Variants in WDR36 observed in about 807,000 individuals in gnomAD.
WDR36 encodes WD repeat-containing protein 36.
WDR36 carries 63 observed loss-of-function variants against 112.7 expected under a neutral mutation model. The observed-to-expected ratio is 0.56, with a 90% CI of 0.46 to 0.69. The LOEUF (loss-of-function observed/expected upper bound fraction) is 0.69. WDR36 is among the 30% of genes least tolerant of loss of function. The pLI is 0.00. For synonymous variants in WDR36, 410 were observed against 362.2 expected, an observed-to-expected ratio of 1.13 and a Z score of -1.50; for missense variants, 1,226 against 1,070.3, an observed-to-expected ratio of 1.15 and a Z score of -2.03.
Position 111,092,455 on chromosome 5 carries a change from C to T in WDR36, c.-2C>T. On this transcript the variant is annotated 5_prime_UTR_variant, in exon 1 of 23. Coordinates refer to ENST00000513710, the MANE Select transcript of WDR36 (RefSeq NM_139281.3). ...CTGAGAGGAGCTGGGATCGCGGCGGCAATGGAACGGGCCTCAGAAAGGCGC... is the reference window on the plus strand; with the variant it reads ...CTGAGAGGAGCTGGGATCGCGGCGGTAATGGAACGGGCCTCAGAAAGGCGC... 2 of 1,614,216 alleles carry T rather than the reference C, an allele frequency of 1.2e-6. No homozygotes were observed. Among genetic ancestry groups the T allele is most frequent in the Non-Finnish European group, 8.5e-7 (1 of 1,180,042 alleles).
chr5:111,104,385 C>G, intron 8 of WDR36, 33 bp downstream of exon 8: 2 of 1,610,800 alleles, frequency 1.2e-6, no homozygotes, highest in Non-Finnish European at 1.7e-6. Context: ...CTTCCTGGCT[C>G]ATCTAACTTA....
At chr5:111,122,044 C>T (rs1753577764) in intron 19 of WDR36, among the ~76,000 whole-genome samples, 1 of 152,180 alleles carries the variant, frequency 6.6e-6, no homozygotes, top group African/African-American at 2.4e-5. Context: ...GAGAAGTTTT[C>T]ACATTACATT....
intron 12 of WDR36, 151 bp downstream of exon 12, chr5:111,107,590 C>T (rs990868323): frequency 4.2e-6 from 4 of 942,636 alleles, no homozygotes; most frequent in Admixed American, 2.7e-5. Flanking sequence ...AAAATTTGCT[C>T]CTGTGACTTC....
Position 111,123,892 on chromosome 5 carries a change from G to C in WDR36, c.2236G>C (p.Ala746Pro). The C allele has an allele frequency of 6.2e-7, 1 of 1,613,748 alleles. No individual in the cohort carries two copies. Residue 746 changes from alanine (A) to proline (P), a missense_variant, in exon 20 of 23, where the codon GCT becomes CCT. Transcript: ENST00000513710. ...PTIPGLVPRY[A>P]APEQNNDPQQ... ...AATTCCTGGCCTTGTACCCAGATAT[G>C]CTGCACCTGAACAAAATAATGATCC...
intron 11 of WDR36, among the ~76,000 whole-genome samples, chr5:111,106,825 A>G (rs1014481488): frequency 2.0e-5 from 3 of 151,254 alleles, no homozygotes; most frequent in East Asian, 1.9e-4. Flanking sequence ...CCCTACTCCT[A>G]TCCCTCCCAA....
At chr5:111,119,652 G>GA (rs1242117625) in intron 17 of WDR36, among the ~76,000 whole-genome samples, 1 of 151,908 alleles carries the variant, frequency 6.6e-6, no homozygotes, top group Admixed American at 6.6e-5. Flanking sequence ...CCTGGGTTTA[G>GA]AAAAAATTTT....
chr5:111,093,867 T>C (rs1182832512), intron 1 of WDR36, among the ~76,000 whole-genome samples: 4 of 152,192 alleles, frequency 2.6e-5, no homozygotes, highest in African/African-American at 9.7e-5. Context: ...TGTTGACATT[T>C]AGTCATAATA....
At position 111,107,299 on chromosome 5, in the gene WDR36, G is replaced by C. The variant is rs200202813; in HGVS notation, c.1186G>C (p.Ala396Pro). The change falls in exon 12 of 23, where the codon GCT becomes CCT. Residue 396 changes from alanine to proline, a missense_variant. Coordinates refer to ENST00000513710, the MANE Select transcript of WDR36 (RefSeq NM_139281.3). Reference protein sequence around the residue: ...PPITKFAAEEARESDWDGIIA... With the variant: ...PPITKFAAEEPRESDWDGIIA... ...TGATTTTCATTACGTTTTAGAGGAA[G>C]CTCGTGAAAGTGACTGGGATGGTAT... is the stretch of plus-strand genomic sequence containing the variant. 1.6e-4 allele frequency: 254 copies of C among 1,609,628 alleles called. No homozygotes were observed. Among genetic ancestry groups the C allele is most frequent in the Non-Finnish European group, 2.1e-4 (243 of 1,177,192 alleles).
rs377271964 is a variant in WDR36, at chr5:111,100,570, A to C, written c.410-19A>C. On this transcript the variant is annotated intron_variant, in intron 4 of 22. Coordinates refer to ENST00000513710, the MANE Select transcript of WDR36 (RefSeq NM_139281.3). ...TTAAACTATTTTATAAAAAATATTT[A>C]TAACTTTCACTTTTGTAGAAGAATA... 8.9e-5 allele frequency: 129 copies of C among 1,454,008 alleles called. 1 individual carries two copies. In the African/African-American group the frequency reaches 1.4e-3, roughly 16 times the overall value. 90.1% of individuals were successfully genotyped at this position (1,454,008 alleles called of 1,614,324 possible).
In WDR36 at chr5:111,110,834, G is replaced by A; in HGVS notation, c.1488G>A (p.Gln496=). 6.2e-7 allele frequency: 1 copy of A among 1,611,530 alleles called. No individual in the cohort carries two copies. The highest frequency in any genetic ancestry group is 8.5e-7 in the Non-Finnish European group (1 of 1,178,378). ...GTGTCGCAGTGGATGGATTAAACCA[G>A]TTGACAGTTACAACTGGTAGTGAAG... ...VRGVAVDGLN[Q]LTVTTGSEGL... Residue 496 remains glutamine, a synonymous_variant, in exon 14 of 23, where the codon CAG becomes CAA. Coordinates refer to ENST00000513710, the MANE Select transcript of WDR36 (RefSeq NM_139281.3).
intron 3 of WDR36, among the ~76,000 whole-genome samples, chr5:111,098,266 T>C (rs1011819361): frequency 6.6e-6 from 1 of 152,166 alleles, no homozygotes; most frequent in Non-Finnish European, 1.5e-5. Flanking sequence ...TGTAAGGATC[T>C]CTGTCAAAGC....
chr5:111,104,853 C>T (rs1753193380), intron 9 of WDR36, 36 bp downstream of exon 9: 1 of 1,608,942 alleles, frequency 6.2e-7, no homozygotes, highest in South Asian at 1.1e-5. Context: ...TTTATTTCAG[C>T]AAGTATTGAG....
chr5:111,115,455 A>G (rs1484372276), intron 16 of WDR36, among the ~76,000 whole-genome samples: 1 of 152,198 alleles, frequency 6.6e-6, no homozygotes, highest in East Asian at 1.9e-4. Context: ...TGATTTGCCC[A>G]AGGTGACTTA....
chr5:111,111,126 C>A (rs765460610), intron 14 of WDR36, 44 bp from the exon 15 acceptor site: 15 of 1,592,298 alleles, frequency 9.4e-6, no homozygotes, highest in African/African-American at 1.3e-5. Flanking sequence ...GATTTTAGTT[C>A]AAGGGTTTTT....
chr5:111,112,706 A>G (rs1179954147), intron 15 of WDR36, among the ~76,000 whole-genome samples: 1 of 152,020 alleles, frequency 6.6e-6, no homozygotes, highest in African/African-American at 2.4e-5. Context: ...AAAGATTTTT[A>G]ACTTAAGCTT....
In WDR36 at chr5:111,128,212, G is replaced by A. The variant is rs1753713048; in HGVS notation, c.*1329G>A. 1 of 190,378 alleles carries A rather than the reference G, an allele frequency of 5.3e-6. No individual in the cohort carries two copies. Among genetic ancestry groups the A allele is most frequent in the African/African-American group, 2.3e-5 (1 of 42,916 alleles). 11.8% of individuals were successfully genotyped at this position (190,378 alleles called of 1,614,324 possible). A position where few individuals can be genotyped will look rare whatever the true frequency, so the allele number is the denominator to read the frequency against. On this transcript the variant is annotated 3_prime_UTR_variant, in exon 23 of 23. Transcript: ENST00000513710. ...CACAGTGGTTTGAATATGAACACCA[G>A]TAGCATTCTCGTTCGTTGTTAGGGT...
rs879376321 is a variant in WDR36 at position 111,107,406 on chromosome 5, A to G, written c.1293A>G (p.Pro431=). The G allele has an allele frequency of 4.3e-6, 7 of 1,610,224 alleles. No individual in the cohort carries two copies. Among genetic ancestry groups the G allele is most frequent in the Non-Finnish European group, 5.9e-6 (7 of 1,177,504 alleles). ...KSTIGAYFLK[P]KELKKDDITA... ...CAATAGGCGCTTACTTTCTCAAGCC[A>G]AAAGAGTTGAAGAAAGATGACATAA... is the stretch of plus-strand genomic sequence containing the variant. The change falls in exon 12 of 23, where the codon CCA becomes CCG. Residue 431 remains proline, a synonymous_variant. Transcript: ENST00000513710.
rs1244496729 is a variant in WDR36, at chr5:111,127,584, A to G, written c.*701A>G. Reference sequence around the variant, plus strand: ...AAGTCTGCTGGTATTTCAGTGACAGATTAAAACTTTCTAACAGTGGCCTAG... The same window carrying G: ...AAGTCTGCTGGTATTTCAGTGACAGGTTAAAACTTTCTAACAGTGGCCTAG... On this transcript the variant is annotated 3_prime_UTR_variant, in exon 23 of 23. Transcript: ENST00000513710. 1 of 210,768 alleles carries G rather than the reference A, an allele frequency of 4.7e-6. No individual in the cohort carries two copies. The highest frequency in any genetic ancestry group is 2.3e-5 in the African/African-American group (1 of 44,120). The allele number at this position is 210,768 out of a possible 1,614,324, so 13.1% of individuals were successfully genotyped here. A position where few individuals can be genotyped will look rare whatever the true frequency, so the allele number is the denominator to read the frequency against.
chr5:111,111,117 A>AT (rs1753328819), intron 14 of WDR36, 53 bp from the exon 15 acceptor site: 17 of 1,584,062 alleles, frequency 1.1e-5, no homozygotes, highest in East Asian at 2.2e-5. Flanking sequence ...TGGAGGTGAG[A>AT]TTTTAGTTCA....
Sources: gnomAD v4.1 joint callset for allele counts (sites outside exome capture counted in the v4.1 genomes callset) on GRCh38, gnomAD v4.1.1 for gene constraint, MANE v1.5 for transcripts, NCBI Gene and HGNC (gene_info 2026-07-23, HGNC 2026-07-21) for gene names.